RP1L1: variants seen among roughly 807,000 people sequenced by gnomAD.
The protein encoded by RP1L1 is RP1 like 1.
A neutral mutation model predicts 15.7 loss-of-function variants in RP1L1; 27 were observed. The observed-to-expected ratio is 1.72, with a 90% CI of 1.27 to 2.38. The LOEUF is 2.38. RP1L1 is among the 30% of genes most tolerant of loss of function. The pLI, the probability that RP1L1 is intolerant of heterozygous loss-of-function variation, is 0.00. For missense variants in RP1L1, 4,798 were observed against 3,075.9 expected (o/e 1.56, Z -13.24); for synonymous variants, 1,813 against 1,276.7 (o/e 1.42, Z -8.96).
At chr8:10,643,444 T>C (rs1383956116) in intron 1 of RP1L1, among the ~76,000 whole-genome samples, 1 of 152,230 alleles carries the variant, frequency 6.6e-6, no homozygotes, top group Non-Finnish European at 1.5e-5. Context: ...CTTCCCCTTC[T>C]GGGACCTCTC....
intron 1 of RP1L1, among the ~76,000 whole-genome samples, chr8:10,644,607 C>T (rs1337464820): frequency 1.3e-5 from 2 of 152,194 alleles, no homozygotes; most frequent in African/African-American, 2.4e-5. Context: ...CCCTGGACCT[C>T]AGCTCTTTAG....
At chr8:10,628,972 TCA>T (rs748645165) in intron 1 of RP1L1, among the ~76,000 whole-genome samples, 6 of 152,242 alleles carry the variant, frequency 3.9e-5, no homozygotes, top group Non-Finnish European at 7.3e-5. Context: ...TGCAGCCTCG[TCA>T]GAGCTCCCTT....
chr8:10,653,225 G>T (rs1798588182), intron 1 of RP1L1, among the ~76,000 whole-genome samples: 1 of 152,190 alleles, frequency 6.6e-6, no homozygotes, highest in African/African-American at 2.4e-5. Flanking sequence ...GTTTTACAGG[G>T]AAAGGTTACA....
chr8:10,618,555 A>G (rs1798008339), intron 2 of RP1L1, among the ~76,000 whole-genome samples: 1 of 151,914 alleles, frequency 6.6e-6, no homozygotes, highest in Non-Finnish European at 1.5e-5. Flanking sequence ...AGCCAGGCAT[A>G]GTGGCATGTG....
rs1384744258 is a variant in RP1L1 at position 10,609,982 on chromosome 8, C to T, written c.4116G>A (p.Val1372=). The change falls in exon 4 of 4, where the codon GTG becomes GTA. Residue 1372 remains valine (V), a synonymous_variant. Coordinates refer to ENST00000382483, the MANE Select transcript of RP1L1 (RefSeq NM_178857.6). ...TGGEGLQEEG[V]QLEEVKEGPE... is the part of the protein sequence containing the mutation. ...GCCCTTCTTTAACTTCCTCTAACTG[C>T]ACCCCCTCTTCTTGCAGCCCTTCTC... The T allele has an allele frequency of 6.2e-7, 1 of 1,613,846 alleles. No homozygotes were observed. The highest frequency in any genetic ancestry group is 8.5e-7 in the Non-Finnish European group (1 of 1,179,898).
At chr8:10,618,429 C>A (rs1798006121) in intron 2 of RP1L1, among the ~76,000 whole-genome samples, 1 of 152,128 alleles carries the variant, frequency 6.6e-6, no homozygotes, top group Admixed American at 6.5e-5. Context: ...ATTGCTTCAA[C>A]CCTGGAAGCG....
rs767317074 is a variant in RP1L1, at chr8:10,608,328, C to A, written c.5770G>T (p.Ala1924Ser). Reference protein sequence around the residue: ...EAQPETESVEALETEGEDEPE... With the variant: ...EAQPETESVESLETEGEDEPE... ...TCGTCCTCCCCTTCAGTCTCCAGGG[C>A]CTCTACACTTTCTGTCTCTGGCTGG... is the stretch of plus-strand genomic sequence containing the variant. The change falls in exon 4 of 4, where the codon GCC becomes TCC. Residue 1924 changes from alanine (A) to serine (S), a missense_variant. Transcript: ENST00000382483. 1 of 1,613,208 alleles carries A rather than the reference C, an allele frequency of 6.2e-7. No individual in the cohort carries two copies. Among genetic ancestry groups the A allele is most frequent in the Non-Finnish European group, 8.5e-7 (1 of 1,179,818 alleles).
Position 10,610,808 on chromosome 8 carries a change from G to A in RP1L1, c.3290C>T (p.Pro1097Leu), listed in dbSNP as rs761460858. 2 of 1,609,378 alleles carry A rather than the reference G, an allele frequency of 1.2e-6. No homozygotes were observed. The highest frequency in any genetic ancestry group is 1.3e-5 in the African/African-American group (1 of 74,812). The change falls in exon 4 of 4, where the codon CCC becomes CTC. Residue 1097 changes from proline to leucine, a missense_variant. Transcript: ENST00000382483. ...RALMGSKQGR[P>L]SSVPEVSRPM... ...CCTAGACACTTCGGGCACGCTGCTG[G>A]GCCGGCCCTGCTTGGAGCCCATCAG... is the stretch of plus-strand genomic sequence containing the variant.
At chr8:10,618,611 G>T (rs914129016) in intron 2 of RP1L1, among the ~76,000 whole-genome samples, 1 of 152,136 alleles carries the variant, frequency 6.6e-6, no homozygotes, top group Admixed American at 6.5e-5. Flanking sequence ...AGGATCACTT[G>T]AGCCCAGGAG....
At chr8:10,613,598 TCCAAAAAAAAA>T (rs1361706384) in intron 3 of RP1L1, among the ~76,000 whole-genome samples, 2 of 38,704 alleles carry the variant, frequency 5.2e-5, no homozygotes, top group Non-Finnish European at 6.9e-5. Context: ...ACACCATCTC[TCCAAAAAAAAA>T]AAAAAAAAAA....
chr8:10,643,201 G>A (rs1798431804), intron 1 of RP1L1, among the ~76,000 whole-genome samples: 1 of 152,176 alleles, frequency 6.6e-6, no homozygotes, highest in African/African-American at 2.4e-5. Flanking sequence ...TTAGGTGGGT[G>A]TGGTGGCATG....
At position 10,609,480 on chromosome 8, in the gene RP1L1, C is replaced by T; in HGVS notation, c.4618G>A (p.Glu1540Lys). ...TGCAGGCCCCAGCGTGCTCGGAGCT[C>T]AGCCACCGCACTGGCAAGGTGGGCC... ...FLAHLASAVA[E>K]LRARWGLQDN... The change falls in exon 4 of 4, where the codon GAG (glutamate) becomes AAG (lysine). Residue 1540 changes from glutamate to lysine, a missense_variant. Transcript: ENST00000382483. 6.2e-7 allele frequency: 1 copy of T among 1,611,880 alleles called. No individual in the cohort carries two copies. The highest frequency in any genetic ancestry group is 1.3e-5 in the African/African-American group (1 of 75,056).
In RP1L1 at chr8:10,609,441, G is replaced by A. The variant is rs761161750; in HGVS notation, c.4657C>T (p.Leu1553=). Residue 1553 remains leucine (L), a synonymous_variant, in exon 4 of 4, where the codon CTG becomes TTG. Coordinates refer to ENST00000382483, the MANE Select transcript of RP1L1 (RefSeq NM_178857.6). Reference sequence around the variant, plus strand: ...TGCAGCTCGGCCGCCATCTGGTCCAGCAGATCATTGTCCTGCAGGCCCCAG... The same window carrying A: ...TGCAGCTCGGCCGCCATCTGGTCCAACAGATCATTGTCCTGCAGGCCCCAG... ...ARWGLQDNDL[L]DQMAAELQQD... 5 of 1,612,290 alleles carry A rather than the reference G, an allele frequency of 3.1e-6. No individual in the cohort carries two copies. The Admixed American group carries it at 6.7e-5, about 21-fold the overall frequency.
At chr8:10,646,981 G>T (rs994513300) in intron 1 of RP1L1, among the ~76,000 whole-genome samples, 1 of 152,122 alleles carries the variant, frequency 6.6e-6, no homozygotes, top group African/African-American at 2.4e-5. Flanking sequence ...AGAAAGCCTC[G>T]CCCGAGGCGG....
intron 1 of RP1L1, among the ~76,000 whole-genome samples, chr8:10,646,375 G>A (rs1172912794): frequency 1.3e-5 from 2 of 152,198 alleles, no homozygotes; most frequent in African/African-American, 2.4e-5. Context: ...CTGAATCGCT[G>A]GGAGCCTTGT....
chr8:10,615,417 TA>T (rs1397290608), intron 3 of RP1L1, among the ~76,000 whole-genome samples: 3 of 152,330 alleles, frequency 2.0e-5, no homozygotes, highest in Middle Eastern at 3.4e-3. Context: ...TGGTCATGGT[TA>T]GTTTTAGTCC....
intron 1 of RP1L1, among the ~76,000 whole-genome samples, chr8:10,630,999 T>C (rs1454260820): frequency 6.6e-6 from 1 of 151,798 alleles, no homozygotes; most frequent in Non-Finnish European, 1.5e-5. Flanking sequence ...CTTGCTCGAG[T>C]GGAGTGAATG....
At position 10,610,872 on chromosome 8, in the gene RP1L1, G is replaced by C. The variant is rs1434681153; in HGVS notation, c.3226C>G (p.Pro1076Ala). 1 of 1,608,812 alleles carries C rather than the reference G, an allele frequency of 6.2e-7. No individual in the cohort carries two copies. The highest frequency in any genetic ancestry group is 1.3e-5 in the African/African-American group (1 of 74,778). The change falls in exon 4 of 4, where the codon CCT becomes GCT. Residue 1076 changes from proline to alanine, a missense_variant. Transcript: ENST00000382483. The stretch of plus-strand genomic sequence containing the variant: ...TGCGTGGAGGCAGACACCCGGCCAG[G>C]AAGTGCCCGCAGGCTCACCCTGCAG... ...AGCRVSLRAL[P>A]GRVSASTQIM...
intron 1 of RP1L1, among the ~76,000 whole-genome samples, chr8:10,626,105 G>C (rs748514793): frequency 2.6e-5 from 4 of 152,112 alleles, no homozygotes; most frequent in Non-Finnish European, 5.9e-5. Context: ...TGTGGAGGAA[G>C]GGGCAGGGCG....
Sources: allele counts gnomAD v4.1 joint callset (sites outside exome capture counted in the v4.1 genomes callset), GRCh38; gene constraint gnomAD v4.1.1; transcripts MANE v1.5; gene names NCBI Gene and HGNC (gene_info 2026-07-23, HGNC 2026-07-21).